Variants in PTGER3 observed in about 807,000 individuals in gnomAD.
PTGER3 encodes the protein prostaglandin E receptor 3, also known as prostaglandin E2 receptor EP3 subtype.
Under a neutral mutation model 34.7 loss-of-function variants are expected in PTGER3, and 22 were observed. The ratio of observed to expected loss-of-function variants is 0.63; its 90% CI spans 0.45 to 0.91. The LOEUF is 0.91. Among genes scored for constraint, PTGER3 ranks in the 40% least tolerant of loss-of-function variants. The pLI is 0.00. For missense variants in PTGER3, 468 were observed against 519.4 expected (o/e 0.90, Z 0.96); for synonymous variants, 241 against 230.1 (o/e 1.05, Z -0.43).
chr1:70,999,900 A>C (rs151217746), intron 2 of PTGER3, among the ~76,000 whole-genome samples: 8 of 152,346 alleles, frequency 5.3e-5, no homozygotes, highest in Non-Finnish European at 1.0e-4. Flanking sequence ...CCACTGCAGA[A>C]GTGGTCCTGG....
At chr1:70,946,551 A>G (rs1572722415) in intron 4 of PTGER3, among the ~76,000 whole-genome samples, 1 of 152,170 alleles carries the variant, frequency 6.6e-6, no homozygotes, top group African/African-American at 2.4e-5. Flanking sequence ...TGCATAAAAC[A>G]TCTTACACAA....
chr1:70,913,428 GT>G (rs1050926116), intron 4 of PTGER3, among the ~76,000 whole-genome samples: 31 of 151,970 alleles, frequency 2.0e-4, no homozygotes, highest in African/African-American at 7.0e-4. Flanking sequence ...AGATGATGAA[GT>G]TGTCTGTGAA....
At chr1:71,039,411 G>A (rs1174951618) in intron 1 of PTGER3, among the ~76,000 whole-genome samples, 1 of 152,020 alleles carries the variant, frequency 6.6e-6, no homozygotes, top group Non-Finnish European at 1.5e-5. Context: ...AGCACTTTGG[G>A]AGGCTGAGGT....
At chr1:70,990,585 G>C (rs1167446761) in intron 2 of PTGER3, among the ~76,000 whole-genome samples, 1 of 151,852 alleles carries the variant, frequency 6.6e-6, no homozygotes, top group Non-Finnish European at 1.5e-5. Context: ...CTGGAGGGCA[G>C]TGGCATAACC....
chr1:70,932,903 A>G (rs1389111906), intron 4 of PTGER3, among the ~76,000 whole-genome samples: 1 of 152,156 alleles, frequency 6.6e-6, no homozygotes, highest in Non-Finnish European at 1.5e-5. Flanking sequence ...ACATATACAC[A>G]TAGAGATACA....
chr1:70,901,706 G>T lies in PTGER3; in HGVS notation c.*24-48847C>A, dbSNP rs577917024. Reference sequence around the variant, plus strand: ...ACAGGTGTTCGCTTCAAAAGGAAAAGCTTTTGAAAAATCATGAAGGCAACT... The same window carrying T: ...ACAGGTGTTCGCTTCAAAAGGAAAATCTTTTGAAAAATCATGAAGGCAACT... On this transcript the variant is annotated intron_variant, in intron 4 of 4. Coordinates refer to the PTGER3 transcript ENST00000370931. 5.3e-5 allele frequency among the ~76,000 whole-genome samples: 8 copies of T among 152,214 alleles called. No homozygotes were observed. In the East Asian group the frequency reaches 1.4e-3, roughly 26 times the overall value.
intron 2 of PTGER3, among the ~76,000 whole-genome samples, chr1:71,004,391 C>A (rs1460190575): frequency 6.6e-6 from 1 of 152,092 alleles, no homozygotes; most frequent in Non-Finnish European, 1.5e-5. Context: ...TAACTCTAGA[C>A]CTGAGGAATT....
At chr1:70,958,160 T>C (rs912839219) in intron 2 of PTGER3, among the ~76,000 whole-genome samples, 4 of 152,208 alleles carry the variant, frequency 2.6e-5, no homozygotes, top group African/African-American at 9.7e-5. Flanking sequence ...ATAATAAACA[T>C]GGGTGTGCAG....
At chr1:71,007,106 T>C in intron 2 of PTGER3, 1 of 985,002 alleles carries the variant, frequency 1.0e-6, no homozygotes, top group Non-Finnish European at 1.2e-6. Flanking sequence ...GACTTTTCCA[T>C]TTAATCAAGT....
rs1660940360 is a variant in PTGER3 at position 71,047,345 on chromosome 1, C to T, written c.233G>A (p.Arg78Gln). ...CTTCTTGCGCTTGCTCTCCCGGCGC[C>T]GGTAGCTGCGCGACACGAGCAGCAT... is the stretch of plus-strand genomic sequence containing the variant. ...LAMLLVSRSY[R>Q]RRESKRKKSF... The change falls in exon 1 of 4, where the codon CGG becomes CAG. Residue 78 changes from arginine (R) to glutamine (Q), a missense_variant. Physicochemically the swap from Arg to Gln is conservative, Grantham distance 43. This residue lies in a region of PTGER3 where 151 missense variants were observed against 133.5 expected (regional missense o/e 1.13). Coordinates refer to ENST00000306666, the MANE Select transcript of PTGER3 (RefSeq NM_198719.2). 1 of 1,608,432 alleles carries T rather than the reference C, an allele frequency of 6.2e-7. No homozygotes were observed. The highest frequency in any genetic ancestry group is 1.1e-5 in the South Asian group (1 of 89,778).
intron 2 of PTGER3, chr1:71,007,762 G>A (rs1195680175): frequency 1.0e-6 from 1 of 985,160 alleles, no homozygotes; most frequent in African/African-American, 1.7e-5. Context: ...AAAGTTTAAT[G>A]ATTGGCTGTT....
At chr1:70,907,730 A>G (rs1365103968) in intron 4 of PTGER3, among the ~76,000 whole-genome samples, 2 of 152,186 alleles carry the variant, frequency 1.3e-5, no homozygotes, top group African/African-American at 4.8e-5. Flanking sequence ...TGTTAAACCA[A>G]TGTGTCTCCC....
At chr1:70,894,648 T>G (rs973657026) in intron 4 of PTGER3, among the ~76,000 whole-genome samples, 1 of 152,210 alleles carries the variant, frequency 6.6e-6, no homozygotes, top group Non-Finnish European at 1.5e-5. Context: ...ACAATTCCTG[T>G]GGAATTTGAT....
At chr1:70,943,540 A>C (rs1179683500) in intron 4 of PTGER3, among the ~76,000 whole-genome samples, 2 of 152,118 alleles carry the variant, frequency 1.3e-5, no homozygotes, top group Admixed American at 6.6e-5. Context: ...GTTGCAGTGG[A>C]CTGCTGTTGC....
In PTGER3 at chr1:71,046,910, T is replaced by C. The variant is rs890399816; in HGVS notation, c.668A>G (p.His223Arg). ...GRGGNGTSSS[H>R]NWGNLFFASA... The stretch of plus-strand genomic sequence containing the variant: ...GGCGAAGAAAAGGTTGCCCCAGTTA[T>C]GCGAAGAGCTAGTCCCGTTGCCCCC... Residue 223 changes from histidine (H) to arginine (R), a missense_variant, in exon 1 of 4, where the codon CAT (histidine) becomes CGT (arginine). Transcript: ENST00000306666. 1.9e-6 allele frequency: 3 copies of C among 1,611,582 alleles called. No homozygotes were observed. Among genetic ancestry groups the C allele is most frequent in the Non-Finnish European group, 1.7e-6 (2 of 1,179,016 alleles).
chr1:70,890,540 G>A (rs561272113), intron 4 of PTGER3, among the ~76,000 whole-genome samples: 10 of 152,134 alleles, frequency 6.6e-5, no homozygotes, highest in Non-Finnish European at 1.2e-4. Flanking sequence ...ATTCTTTCTT[G>A]TGTATGTTAT....
Position 70,989,367 on chromosome 1 carries a change from T to C in PTGER3, c.1078-14979A>G, listed in dbSNP as rs35329233. 5.9e-5 allele frequency among the ~76,000 whole-genome samples: 9 copies of C among 152,342 alleles called. No individual in the cohort carries two copies. In the East Asian group the frequency reaches 1.7e-3, roughly 29 times the overall value. Reference sequence around the variant, plus strand: ...CTAAAATCATTTTGGTGCTCACTTATGTTTCACTGGGAGAAGCACTCTGTT... The same window carrying C: ...CTAAAATCATTTTGGTGCTCACTTACGTTTCACTGGGAGAAGCACTCTGTT... On this transcript the variant is annotated intron_variant, in intron 2 of 3. Transcript: ENST00000306666.
At chr1:70,942,364 T>G (rs1649839507) in intron 4 of PTGER3, among the ~76,000 whole-genome samples, 1 of 152,188 alleles carries the variant, frequency 6.6e-6, no homozygotes, top group Admixed American at 6.6e-5. Flanking sequence ...GAGGCATTTT[T>G]TAACCATAAT....
Position 70,930,660 on chromosome 1 carries a change from G to A in PTGER3, c.*23+23103C>T, listed in dbSNP as rs569627470. ...GCAGTGGCAAGAGAAAATGAGGAAGGTACAAAAGCAGAAACCACTGATAAA... is the reference window on the plus strand; with the variant it reads ...GCAGTGGCAAGAGAAAATGAGGAAGATACAAAAGCAGAAACCACTGATAAA... On this transcript the variant is annotated intron_variant, in intron 4 of 4. Coordinates refer to the PTGER3 transcript ENST00000370931. Among the ~76,000 whole-genome samples the A allele has an allele frequency of 3.9e-5, 6 of 152,204 alleles. No homozygotes were observed. In the South Asian group the frequency reaches 1.0e-3, roughly 26 times the overall value.
Sources: allele counts gnomAD v4.1 joint callset (sites outside exome capture counted in the v4.1 genomes callset), GRCh38; gene constraint gnomAD v4.1.1; regional missense constraint gnomAD v4.1.1; transcripts MANE v1.5; gene names NCBI Gene and HGNC (gene_info 2026-07-23, HGNC 2026-07-21).